The following HIPK1 variants were observed in gnomAD, a reference collection of about 807,000 sequenced individuals.
HIPK1 encodes homeodomain interacting protein kinase 1, also known as homeodomain-interacting protein kinase 1.
Under a neutral mutation model 117.1 loss-of-function variants are expected in HIPK1, and 28 were observed. The observed-to-expected ratio is 0.24, with a 90% CI of 0.18 to 0.33. HIPK1 has a LOEUF of 0.33. HIPK1 is among the 10% of genes least tolerant of loss of function. The pLI, the probability that HIPK1 is intolerant of heterozygous loss-of-function variation, is 1.00. For synonymous variants in HIPK1, 605 were observed against 562.5 expected (o/e 1.08, Z -1.07); for missense variants, 1,122 against 1,475.1 (o/e 0.76, Z 3.92).
Position 113,971,921 on chromosome 1 carries a change from G to T in HIPK1, c.3111G>T (p.Gly1037=), listed in dbSNP as rs749443231. 6.2e-7 allele frequency: 1 copy of T among 1,609,052 alleles called. No homozygotes were observed. The stretch of plus-strand genomic sequence containing the variant: ...CAGGGTATCGAGCTCAACGCGGGGG[G>T]ACCAGTGCAGCACAACCACTCAATC... ...TPTGYRAQRG[G]TSAAQPLNLS... is the part of the protein sequence containing the mutation. Residue 1037 remains glycine, a synonymous_variant, in exon 15 of 16, where the codon GGG becomes GGT. Coordinates refer to ENST00000426820, the MANE Select transcript of HIPK1 (RefSeq NM_198268.3).
intron 1 of HIPK1, among the ~76,000 whole-genome samples, chr1:113,938,779 G>T (rs1363007879): frequency 6.6e-6 from 1 of 151,744 alleles, no homozygotes; most frequent in Non-Finnish European, 1.5e-5. Flanking sequence ...GTGTGGTCGT[G>T]CACGCCTCTA....
chr1:113,972,256 A>G (rs985945343), intron 15 of HIPK1, among the ~76,000 whole-genome samples: 2 of 152,172 alleles, frequency 1.3e-5, no homozygotes, highest in African/African-American at 4.8e-5. Context: ...TGTGATAGGC[A>G]TATGCTTTGA....
rs773013335 is a variant in HIPK1, at chr1:113,968,494, C to G, written c.2617C>G (p.Pro873Ala). 1.9e-6 allele frequency: 3 copies of G among 1,614,094 alleles called. No individual in the cohort carries two copies. The South Asian group carries it at 3.3e-5, about 18-fold the overall frequency. Residue 873 changes from proline (P) to alanine (A), a missense_variant, in exon 13 of 16, where the codon CCC (proline) becomes GCC (alanine). By Grantham distance (27) the Pro-to-Ala change is conservative (BLOSUM62 -1). Transcript: ENST00000426820. ...SQVYSLVGSS[P>A]LRTTSSYNSL... ...AGTCTATTCTCTGGTTGGGAGCAGT[C>G]CCCTCCGCACCACATCTTCTTATAA...
At chr1:113,952,693 G>A in intron 2 of HIPK1, 73 bp from the exon 3 acceptor site, 1 of 1,141,694 alleles carries the variant, frequency 8.8e-7, no homozygotes, top group Non-Finnish European at 1.2e-6. Flanking sequence ...ACTAAAACAG[G>A]ACTTAGTCAT....
intron 2 of HIPK1, among the ~76,000 whole-genome samples, chr1:113,944,096 C>G (rs1164221899): frequency 7.0e-6 from 1 of 143,806 alleles, no homozygotes; most frequent in Non-Finnish European, 1.5e-5. Context: ...TCCCAAAGTT[C>G]TGGGATTACA....
At chr1:113,929,640 G>A (rs1669697569) in intron 1 of HIPK1, 108 bp downstream of exon 1, 1 of 1,048,836 alleles carries the variant, frequency 9.5e-7, no homozygotes, top group South Asian at 1.4e-5. Flanking sequence ...GACAACGGCG[G>A]CTGCGGAGCA....
intron 1 of HIPK1, among the ~76,000 whole-genome samples, chr1:113,937,476 A>T (rs1259626629): frequency 6.6e-6 from 1 of 152,108 alleles, no homozygotes; most frequent in Non-Finnish European, 1.5e-5. Context: ...AAAAAAAAAA[A>T]TCAAGGATCG....
In HIPK1 at chr1:113,958,120, A is replaced by T. The variant is rs760462673; in HGVS notation, c.1810A>T (p.Asn604Tyr). The change falls in exon 8 of 16, where the codon AAT becomes TAT. Residue 604 changes from asparagine (N) to tyrosine (Y), a missense_variant. Physicochemically the swap from Asn to Tyr is moderately radical, Grantham distance 143 (BLOSUM62 -2). This residue lies in a region of HIPK1 where 731 missense variants were observed against 860.4 expected (regional missense o/e 0.85). Transcript: ENST00000426820. The part of the protein sequence containing the change: ...TAAAATLSLA[N>Y]SDVSLLNYQS... ...AGCAGCTGCTACTCTTTCTCTGGCT[A>T]ATTCAGATGTCTCACTACTAAACTA... 1 of 1,614,174 alleles carries T rather than the reference A, an allele frequency of 6.2e-7. No homozygotes were observed. Among genetic ancestry groups the T allele is most frequent in the Non-Finnish European group, 8.5e-7 (1 of 1,180,000 alleles).
At chr1:113,962,108 C>T (rs1038317134) in intron 8 of HIPK1, among the ~76,000 whole-genome samples, 1 of 152,046 alleles carries the variant, frequency 6.6e-6, no homozygotes, top group African/African-American at 2.4e-5. Context: ...CTCACTATAT[C>T]AAACATCTTT....
chr1:113,974,883 A>G lies in HIPK1; in HGVS notation c.*1371A>G, dbSNP rs1309575054. On this transcript the variant is annotated 3_prime_UTR_variant, in exon 16 of 16. Coordinates refer to ENST00000426820, the MANE Select transcript of HIPK1 (RefSeq NM_198268.3). Reference sequence around the variant, plus strand: ...CACTTGAATTGTGTACTTAGTGTGTATGTGATCCTCCAGTGTTATCCCGGA... The same window carrying G: ...CACTTGAATTGTGTACTTAGTGTGTGTGTGATCCTCCAGTGTTATCCCGGA... The G allele has an allele frequency of 6.5e-6, 1 of 152,780 alleles. No homozygotes were observed. The highest frequency in any genetic ancestry group is 1.5e-5 in the Non-Finnish European group (1 of 68,030). 9.5% of individuals were successfully genotyped at this position (152,780 alleles called of 1,614,324 possible).
rs1670614084 is a variant in HIPK1, at chr1:113,941,123, A to T, written c.740A>T (p.Asp247Val). ...ILSRLSSENA[D>V]EYNFVRSYEC... is the part of the protein sequence containing the mutation. ...TCCCGCCTAAGCAGTGAAAATGCTGATGAGTATAATTTTGTCCGTTCATAC... is the reference window on the plus strand; with the variant it reads ...TCCCGCCTAAGCAGTGAAAATGCTGTTGAGTATAATTTTGTCCGTTCATAC... The change falls in exon 2 of 16, where the codon GAT (aspartate) becomes GTT (valine). Residue 247 changes from aspartate (D) to valine (V), a missense_variant. Asp to Val is a radical substitution (Grantham distance 152). Around this residue, in one of 6 missense-constraint regions of HIPK1, gnomAD observed 62 missense variants for 121.5 expected, o/e 0.51. Coordinates refer to ENST00000426820, the MANE Select transcript of HIPK1 (RefSeq NM_198268.3). This position sits in a 1 kb window ranked among gnomAD's most constrained non-coding sequence, Gnocchi z 4.9. The T allele has an allele frequency of 6.2e-7, 1 of 1,614,138 alleles. No homozygotes were observed. The highest frequency in any genetic ancestry group is 1.3e-5 in the African/African-American group (1 of 74,954).
intron 5 of HIPK1, among the ~76,000 whole-genome samples, chr1:113,956,253 T>G (rs1422770968): frequency 6.6e-6 from 1 of 151,966 alleles, no homozygotes; most frequent in Non-Finnish European, 1.5e-5. Context: ...TTTTGTATTT[T>G]TTTTAGTAGA....
At chr1:113,959,243 T>C (rs182206495) in intron 8 of HIPK1, among the ~76,000 whole-genome samples, 2 of 151,848 alleles carry the variant, frequency 1.3e-5, no homozygotes, top group East Asian at 3.9e-4. Flanking sequence ...CGTGACTCTC[T>C]TGTTTGTTTG....
chr1:113,971,318 A>T (rs545800473), intron 14 of HIPK1, among the ~76,000 whole-genome samples: 31 of 152,354 alleles, frequency 2.0e-4, no homozygotes, highest in Non-Finnish European at 4.4e-5. Context: ...TCCTAATGGG[A>T]ACACAGAAGC....
intron 11 of HIPK1, among the ~76,000 whole-genome samples, chr1:113,966,512 G>A (rs572877156): frequency 6.6e-6 from 1 of 152,298 alleles, no homozygotes; most frequent in South Asian, 2.1e-4. Flanking sequence ...AGTCTTAAGT[G>A]ATTAGAAACC....
rs2101492074 is a variant in HIPK1, at chr1:113,970,136, T to C, written c.2952T>C (p.Thr984=). Residue 984 remains threonine, a synonymous_variant, in exon 14 of 16, where the codon ACT becomes ACC. Transcript: ENST00000426820. ...RVVADGTGTR[T]IIVPPLKTQL... is the part of the protein sequence containing the mutation. ...TGGCAGATGGCACTGGCACCCGCACTATCATTGTGCCTCCACTGAAAACTC... is the reference window on the plus strand; with the variant it reads ...TGGCAGATGGCACTGGCACCCGCACCATCATTGTGCCTCCACTGAAAACTC... 1 of 1,614,186 alleles carries C rather than the reference T, an allele frequency of 6.2e-7. No individual in the cohort carries two copies. The highest frequency in any genetic ancestry group is 8.5e-7 in the Non-Finnish European group (1 of 1,180,004).
At chr1:113,947,842 T>C (rs1001500452) in intron 2 of HIPK1, among the ~76,000 whole-genome samples, 3 of 152,230 alleles carry the variant, frequency 2.0e-5, no homozygotes, top group African/African-American at 7.2e-5. Context: ...CCTACTGAAG[T>C]GAACACTGCC....
At chr1:113,966,769 A>G (rs1571723220) in intron 11 of HIPK1, among the ~76,000 whole-genome samples, 1 of 152,228 alleles carries the variant, frequency 6.6e-6, no homozygotes, top group Middle Eastern at 3.4e-3. Flanking sequence ...TAAGTCATTT[A>G]AAAATGTACA....
At chr1:113,933,087 T>G in intron 1 of HIPK1, 1 of 627,018 alleles carries the variant, frequency 1.6e-6, no homozygotes, top group Non-Finnish European at 2.0e-6. Flanking sequence ...TAAAATGTAG[T>G]ACCTTTTTAC....
Sources: gnomAD v4.1 joint callset for allele counts (sites outside exome capture counted in the v4.1 genomes callset) on GRCh38, gnomAD v4.1.1 for gene constraint, gnomAD v4.1.1 regional missense constraint, Gnocchi (gnomAD v3.1) non-coding constraint, MANE v1.5 for transcripts, NCBI Gene and HGNC (gene_info 2026-07-23, HGNC 2026-07-21) for gene names.